APBB2: variants seen among roughly 807,000 people sequenced by gnomAD.
The protein encoded by APBB2 is Fe65-like 1.
A neutral mutation model predicts 82.5 loss-of-function variants in APBB2; 38 were observed. The ratio of observed to expected loss-of-function variants is 0.46; its 90% confidence interval spans 0.36 to 0.60. APBB2 has a LOEUF of 0.60. Among genes scored for constraint, APBB2 ranks in the 20% least tolerant of loss-of-function variants. The pLI is 0.00. For missense variants in APBB2, 772 were observed against 972.3 expected (o/e 0.79, Z 2.74); for synonymous variants, 341 against 368.2 (o/e 0.93, Z 0.85).
intron 1 of APBB2, among the ~76,000 whole-genome samples, chr4:41,143,662 T>TG (rs919532702): frequency 5.3e-5 from 8 of 152,094 alleles, no homozygotes; most frequent in African/African-American, 1.9e-4. Context: ...GACACATAAG[T>TG]GGGGGCTATA....
rs1365091366 is a variant in APBB2 at position 40,934,488 on chromosome 4, AATC to A, written c.1219_1221del (p.Asp407del). 6.2e-7 allele frequency: 1 copy of A among 1,614,108 alleles called. No homozygotes were observed. The highest frequency in any genetic ancestry group is 2.2e-5 in the East Asian group (1 of 44,888). On this transcript the variant is annotated inframe_deletion, in exon 10 of 18. Coordinates refer to ENST00000508593, the MANE Select transcript of APBB2 (RefSeq NM_004307.2). ...TCTGGGTCACTGTTGATACTACAAG[AATC>A]ATCATCATCAGGGTGTGGGGCATTT...
chr4:40,875,951 T>TTTA (rs1372100515), intron 12 of APBB2, among the ~76,000 whole-genome samples: 4 of 152,232 alleles, frequency 2.6e-5, no homozygotes, highest in African/African-American at 9.6e-5. Flanking sequence ...TTTCAACTGT[T>TTTA]TTATTAGGCT....
chr4:40,987,659 G>C (rs1800755426), intron 6 of APBB2, among the ~76,000 whole-genome samples: 1 of 152,142 alleles, frequency 6.6e-6, no homozygotes, highest in South Asian at 2.1e-4. Flanking sequence ...ATTCTCATGA[G>C]GGTTCTGGTT....
At chr4:41,188,444 T>C (rs552263053) in intron 1 of APBB2, among the ~76,000 whole-genome samples, 2 of 152,226 alleles carry the variant, frequency 1.3e-5, no homozygotes, top group South Asian at 4.2e-4. Context: ...GGTGATTAGA[T>C]CACGAGGGTA....
intron 10 of APBB2, among the ~76,000 whole-genome samples, chr4:40,900,148 C>T (rs1215317372): frequency 6.6e-6 from 1 of 152,188 alleles, no homozygotes; most frequent in African/African-American, 2.4e-5. Context: ...AAATGTAATC[C>T]TAATTAACAG....
intron 7 of APBB2, among the ~76,000 whole-genome samples, chr4:40,938,180 G>T (rs551708658): frequency 7.9e-5 from 12 of 152,366 alleles, no homozygotes; most frequent in African/African-American, 2.6e-4. Flanking sequence ...GCACAGCTGA[G>T]TGACATTCTG....
rs1044270834 is a variant in APBB2, at chr4:40,815,836, A to G, written c.*256T>C. ...GTGTGTGAAGTTAAGTAATGTTCAC[A>G]ATATTTACAATAAGAAAAAGACCTT... On this transcript the variant is annotated 3_prime_UTR_variant, in exon 18 of 18. Coordinates refer to ENST00000508593, the MANE Select transcript of APBB2 (RefSeq NM_004307.2). The G allele has an allele frequency of 4.7e-6, 2 of 429,196 alleles. No individual in the cohort carries two copies. The highest frequency in any genetic ancestry group is 3.7e-5 in the East Asian group (1 of 27,394). The allele number at this position is 429,196 out of a possible 1,614,324, so 26.6% of individuals were successfully genotyped here. A position where few individuals can be genotyped will look rare whatever the true frequency, so the allele number is the denominator to read the frequency against.
chr4:41,049,166 G>A (rs1463144179), intron 4 of APBB2, among the ~76,000 whole-genome samples: 42 of 142,892 alleles, frequency 2.9e-4, no homozygotes, highest in African/African-American at 9.5e-4. Context: ...GCCGCCCATC[G>A]TCTGAGATGT....
At chr4:40,987,026 A>G (rs1177730606) in intron 6 of APBB2, among the ~76,000 whole-genome samples, 1 of 152,190 alleles carries the variant, frequency 6.6e-6, no homozygotes, top group Non-Finnish European at 1.5e-5. Flanking sequence ...CAAAGCCAAA[A>G]ATCATATCAG....
intron 1 of APBB2, among the ~76,000 whole-genome samples, chr4:41,155,849 ATC>A (rs1343438345): frequency 2.0e-5 from 3 of 152,264 alleles, no homozygotes; most frequent in African/African-American, 7.2e-5. Flanking sequence ...CTCCAGAAAT[ATC>A]TGTTTAATTG....
intron 3 of APBB2, among the ~76,000 whole-genome samples, chr4:41,093,764 G>A (rs868318104): frequency 2.0e-5 from 3 of 151,846 alleles, no homozygotes; most frequent in Non-Finnish European, 2.9e-5. Context: ...TGAGGCGGAA[G>A]AATCGCTTGA....
At chr4:40,834,840 A>C (rs1277158015) in intron 12 of APBB2, among the ~76,000 whole-genome samples, 1 of 151,968 alleles carries the variant, frequency 6.6e-6, no homozygotes, top group African/African-American at 2.4e-5. Flanking sequence ...GACATTTCTG[A>C]CCACCAGAAA....
chr4:40,988,568 GC>G (rs146316300), intron 6 of APBB2, among the ~76,000 whole-genome samples: 15,875 of 147,908 alleles, frequency 0.11, 971 homozygotes, highest in Middle Eastern at 0.18. Context: ...AACCCAGGAG[GC>G]GGAGATTGAA....
intron 10 of APBB2, among the ~76,000 whole-genome samples, chr4:40,894,010 C>A (rs1047587471): frequency 6.7e-6 from 1 of 148,426 alleles, no homozygotes; most frequent in African/African-American, 2.5e-5. Flanking sequence ...TTATGAGGGC[C>A]GGGCGCGGTG....
At chr4:40,932,092 C>A (rs1784351235) in intron 10 of APBB2, among the ~76,000 whole-genome samples, 1 of 152,176 alleles carries the variant, frequency 6.6e-6, no homozygotes, top group Non-Finnish European at 1.5e-5. Flanking sequence ...TTTAATGGAA[C>A]CAGTCCTCCT....
At chr4:41,183,098 G>A (rs780646301) in intron 1 of APBB2, among the ~76,000 whole-genome samples, 323 of 152,156 alleles carry the variant, frequency 2.1e-3, no homozygotes, top group Non-Finnish European at 3.8e-3. Flanking sequence ...CCTTGTCTAT[G>A]CTTACATTCT....
At chr4:40,922,154 T>A (rs1025748709) in intron 10 of APBB2, among the ~76,000 whole-genome samples, 3 of 152,264 alleles carry the variant, frequency 2.0e-5, no homozygotes, top group African/African-American at 7.2e-5. Flanking sequence ...TGAACTCATC[T>A]AACCGAACTG....
intron 3 of APBB2, among the ~76,000 whole-genome samples, chr4:41,099,285 G>A (rs1380284183): frequency 6.6e-6 from 1 of 152,096 alleles, no homozygotes; most frequent in Non-Finnish European, 1.5e-5. Context: ...CTGGAGTGCA[G>A]TGGCGCAATC....
chr4:40,834,047 C>G (rs1280955807), intron 12 of APBB2, among the ~76,000 whole-genome samples: 1 of 152,166 alleles, frequency 6.6e-6, no homozygotes, highest in Non-Finnish European at 1.5e-5. Context: ...GGGCAACCAT[C>G]TGGAACCCAC....
Sources: gnomAD v4.1 joint callset for allele counts (sites outside exome capture counted in the v4.1 genomes callset) on GRCh38, gnomAD v4.1.1 for gene constraint, MANE v1.5 for transcripts, NCBI Gene and HGNC (gene_info 2026-07-23, HGNC 2026-07-21) for gene names.